FCHSD2: variants seen among roughly 807,000 people sequenced by gnomAD.
FCHSD2 encodes the protein FCH and double SH3 domains 2.
In FCHSD2, 38 loss-of-function variants were observed where a neutral mutation model predicts 108.1. The ratio of observed to expected loss-of-function variants is 0.35; its 90% CI spans 0.27 to 0.46. The LOEUF (loss-of-function observed/expected upper bound fraction) is 0.46. Ranked by LOEUF, FCHSD2 falls within the 20% of genes least tolerant of loss-of-function variation. FCHSD2 has a pLI of 1.00. For missense variants in FCHSD2, 751 were observed against 897.8 expected (o/e 0.84, Z 2.09); for synonymous variants, 279 against 314.7 (o/e 0.89, Z 1.20).
chr11:72,850,290 C>T (rs1168659542), intron 13 of FCHSD2, among the ~76,000 whole-genome samples: 1 of 151,982 alleles, frequency 6.6e-6, no homozygotes, highest in East Asian at 1.9e-4. Context: ...GTCTTGAACT[C>T]CTGGCCTCAA....
At chr11:73,121,133 T>C (rs149862249) in intron 2 of FCHSD2, among the ~76,000 whole-genome samples, 70 of 152,038 alleles carry the variant, frequency 4.6e-4, no homozygotes, top group Non-Finnish European at 7.9e-4. Context: ...CAATTAAGCA[T>C]ACCCTTTGGG....
intron 3 of FCHSD2, chr11:73,077,674 C>T: frequency 7.3e-6 from 3 of 411,460 alleles, no homozygotes; most frequent in Non-Finnish European, 1.4e-5. Flanking sequence ...TGGAATACTA[C>T]ACAGCAATAA....
chr11:73,134,296 C>A (rs963815793), intron 2 of FCHSD2, among the ~76,000 whole-genome samples: 3 of 151,912 alleles, frequency 2.0e-5, no homozygotes, highest in Non-Finnish European at 4.4e-5. Flanking sequence ...CATAGTGAAA[C>A]CCTCTCTCTA....
chr11:72,941,583 A>G (rs1280284932), intron 8 of FCHSD2, among the ~76,000 whole-genome samples: 5 of 152,094 alleles, frequency 3.3e-5, no homozygotes, highest in Non-Finnish European at 7.4e-5. Flanking sequence ...TGTTTAAACA[A>G]CATGAAATAA....
At chr11:73,125,593 T>C (rs745413421) in intron 2 of FCHSD2, among the ~76,000 whole-genome samples, 8 of 152,218 alleles carry the variant, frequency 5.3e-5, no homozygotes, top group Non-Finnish European at 7.4e-5. Flanking sequence ...TAGTCTGAGC[T>C]ACTCAGGAGG....
At position 72,960,021 on chromosome 11, in the gene FCHSD2, C is replaced by G. The variant is rs767407891; in HGVS notation, c.705+24067G>C. On this transcript the variant is annotated intron_variant, in intron 8 of 19. Coordinates refer to ENST00000409418, the MANE Select transcript of FCHSD2 (RefSeq NM_014824.3). Reference sequence around the variant, plus strand: ...ACACATATTAATATAGGGTATTAATCTGTTCTGCACTGCTGTAAAGGAATA... The same window carrying G: ...ACACATATTAATATAGGGTATTAATGTGTTCTGCACTGCTGTAAAGGAATA... Among the ~76,000 whole-genome samples the G allele has an allele frequency of 4.9e-4, 74 of 152,098 alleles. 1 individual carries two copies. The highest frequency in any genetic ancestry group is 3.8e-4 in the Non-Finnish European group (26 of 68,022).
chr11:73,082,286 G>A (rs554918012), intron 3 of FCHSD2, among the ~76,000 whole-genome samples: 12 of 124,310 alleles, frequency 9.7e-5, no homozygotes, highest in East Asian at 2.6e-4. Flanking sequence ...GCAGTGAGCC[G>A]AGATCGCACC....
intron 8 of FCHSD2, chr11:72,941,063 G>A (rs772399271): frequency 5.7e-5 from 37 of 645,748 alleles, no homozygotes; most frequent in African/African-American, 3.8e-4. Flanking sequence ...GGTTCTTGCC[G>A]GGCAGCTTAG....
intron 2 of FCHSD2, among the ~76,000 whole-genome samples, chr11:73,137,478 A>G (rs1031135884): frequency 6.6e-6 from 1 of 152,226 alleles, no homozygotes; most frequent in African/African-American, 2.4e-5. Flanking sequence ...GCTCCCCTAC[A>G]GAGTGTATAC....
intron 9 of FCHSD2, among the ~76,000 whole-genome samples, chr11:72,915,680 C>T (rs918021942): frequency 5.3e-5 from 8 of 152,012 alleles, no homozygotes; most frequent in South Asian, 2.1e-4. Flanking sequence ...TAGCCGGGCG[C>T]GGTGGTGGGC....
chr11:73,122,416 A>C (rs1288262254), intron 2 of FCHSD2, among the ~76,000 whole-genome samples: 1 of 152,164 alleles, frequency 6.6e-6, no homozygotes, highest in African/African-American at 2.4e-5. Context: ...GCAGGTATAC[A>C]GGCATCCCCT....
intron 2 of FCHSD2, among the ~76,000 whole-genome samples, chr11:73,108,735 A>AT (rs925066382): frequency 2.7e-5 from 4 of 150,640 alleles, no homozygotes; most frequent in African/African-American, 7.3e-5. Flanking sequence ...CGCCCGGCTA[A>AT]TTTTTTTTTG....
intron 2 of FCHSD2, among the ~76,000 whole-genome samples, chr11:73,129,820 C>T (rs1167725948): frequency 6.6e-6 from 1 of 151,760 alleles, no homozygotes; most frequent in Non-Finnish European, 1.5e-5. Flanking sequence ...TGTAAACTAG[C>T]ACTTGTTCCG....
At chr11:73,098,372 T>C (rs1011862069) in intron 2 of FCHSD2, among the ~76,000 whole-genome samples, 21 of 152,206 alleles carry the variant, frequency 1.4e-4, no homozygotes, top group Admixed American at 6.5e-4. Flanking sequence ...CTTCTATTAA[T>C]TGATTTCTAG....
At chr11:73,114,519 CA>C (rs1236658869) in intron 2 of FCHSD2, among the ~76,000 whole-genome samples, 5 of 152,054 alleles carry the variant, frequency 3.3e-5, no homozygotes, top group African/African-American at 1.2e-4. Flanking sequence ...CTGTAGCCAC[CA>C]TAGCTGGAAA....
chr11:72,847,681 G>C (rs773076000), intron 14 of FCHSD2, among the ~76,000 whole-genome samples: 99 of 149,020 alleles, frequency 6.6e-4, no homozygotes, highest in Admixed American at 1.6e-3. Flanking sequence ...TAAGGCTTTT[G>C]ACTCTAACCT....
intron 8 of FCHSD2, among the ~76,000 whole-genome samples, chr11:72,928,556 GCTTA>G (rs1856124263): frequency 2.0e-5 from 3 of 152,004 alleles, no homozygotes; most frequent in Admixed American, 2.0e-4. Context: ...TTTACTAACG[GCTTA>G]CTGAGTTCCA....
intron 3 of FCHSD2, among the ~76,000 whole-genome samples, chr11:73,055,652 T>C (rs1173667978): frequency 6.6e-6 from 1 of 152,202 alleles, no homozygotes; most frequent in African/African-American, 2.4e-5. Flanking sequence ...TACAAATATA[T>C]ATATCACTTA....
intron 3 of FCHSD2, among the ~76,000 whole-genome samples, chr11:73,081,454 C>G (rs1859683573): frequency 6.6e-6 from 1 of 152,026 alleles, no homozygotes; most frequent in South Asian, 2.1e-4. Flanking sequence ...ATAAATAAAT[C>G]TTGTTACAGA....
Sources: gnomAD v4.1 joint callset for allele counts (sites outside exome capture counted in the v4.1 genomes callset) on GRCh38, gnomAD v4.1.1 for gene constraint, MANE v1.5 for transcripts, NCBI Gene and HGNC (gene_info 2026-07-23, HGNC 2026-07-21) for gene names.